Variants in TCF25 observed in about 807,000 individuals in gnomAD.
TCF25 encodes the protein TCF25 ribosome quality control complex subunit.
Under a neutral mutation model 83.1 loss-of-function variants are expected in TCF25, and 41 were observed. The observed-to-expected ratio is 0.49, with a 90% CI of 0.38 to 0.64. The LOEUF (loss-of-function observed/expected upper bound fraction) is 0.64. TCF25 is among the 30% of genes least tolerant of loss of function. The pLI is 0.00. For synonymous variants in TCF25, 458 were observed against 365.0 expected (o/e 1.25, Z -2.90); for missense variants, 979 against 914.5 (o/e 1.07, Z -0.91).
At chr16:89,907,735 CCCGCCTCCCACCTT>C (rs2045026067) in intron 16 of TCF25, among the ~76,000 whole-genome samples, 1 of 110,918 alleles carries the variant, frequency 9.0e-6, no homozygotes, top group Non-Finnish European at 1.9e-5. Context: ...CCTTCCAGCT[CCCGCCTCCCACCTT>C]CCAGCTCCCG....
intron 1 of TCF25, among the ~76,000 whole-genome samples, chr16:89,876,505 C>G (rs1476773486): frequency 1.3e-5 from 2 of 152,152 alleles, no homozygotes; most frequent in African/African-American, 4.8e-5. Flanking sequence ...CTCAAGAGAT[C>G]CTTCCGCCTT....
chr16:89,908,885 G>T (rs2045306615), intron 16 of TCF25: 1 of 1,267,306 alleles, frequency 7.9e-7, no homozygotes, highest in African/African-American at 1.6e-5. Context: ...GGGCTTTGGG[G>T]CTCACAGGGA....
At chr16:89,893,918 G>T (rs555886430) in intron 7 of TCF25, 60 bp downstream of exon 7, 8 of 1,547,028 alleles carry the variant, frequency 5.2e-6, no homozygotes, top group Middle Eastern at 2.2e-4. Flanking sequence ...ACTGCCCTGG[G>T]CCGCCTGCTT....
rs1432726272 is a variant in TCF25, at chr16:89,873,704, C to G, written c.37C>G (p.Gln13Glu). The change falls in exon 1 of 18, where the codon CAG becomes GAG. Residue 13 changes from glutamine (Q) to glutamate (E), a missense_variant. Gln to Glu is a conservative substitution (Grantham distance 29). Coordinates refer to ENST00000263346, the MANE Select transcript of TCF25 (RefSeq NM_014972.3). ...RRALRRLRGEQRGQEPLGPGA... is the reference protein window; with the variant it reads ...RRALRRLRGEERGQEPLGPGA... ...GGCCCTCCGGAGGCTGAGGGGGGAA[C>G]AGCGCGGCCAGGAGCCCCTCGGGCC... 1.9e-6 allele frequency: 3 copies of G among 1,609,240 alleles called. No individual in the cohort carries two copies.
rs1475041880 is a variant in TCF25, at chr16:89,887,696, G to A, written c.593G>A (p.Arg198Gln). ...DTELKRYFGA[R>Q]AILGEQRPRQ... ...GAACTGAAAAGGTATTTTGGTGCCC[G>A]GGCAATCCTGGGGGAGCAAAGGTAA... Residue 198 changes from arginine (R) to glutamine (Q), a missense_variant, in exon 5 of 18, where the codon CGG becomes CAG. Transcript: ENST00000263346. 11 of 1,591,724 alleles carry A rather than the reference G, an allele frequency of 6.9e-6. No individual in the cohort carries two copies. The highest frequency in any genetic ancestry group is 2.7e-5 in the African/African-American group (2 of 73,422).
In TCF25 at chr16:89,873,614, G is replaced by T; in HGVS notation, c.-54G>T. 1 of 1,440,708 alleles carries T rather than the reference G, an allele frequency of 6.9e-7. No individual in the cohort carries two copies. The highest frequency in any genetic ancestry group is 9.1e-7 in the Non-Finnish European group (1 of 1,098,922). The allele number at this position is 1,440,708 out of a possible 1,614,324, so 89.2% of individuals were successfully genotyped here. A position where few individuals can be genotyped will look rare whatever the true frequency, so the allele number is the denominator to read the frequency against. On this transcript the variant is annotated 5_prime_UTR_variant, in exon 1 of 18. Coordinates refer to ENST00000263346, the MANE Select transcript of TCF25 (RefSeq NM_014972.3). Reference sequence around the variant, plus strand: ...AGAGTGCGCAGGCGCGCCGACAGCCGAGTTTTCTGCGCTTCCTTCTCCCTC... The same window carrying T: ...AGAGTGCGCAGGCGCGCCGACAGCCTAGTTTTCTGCGCTTCCTTCTCCCTC...
At chr16:89,882,753 A>G (rs1465049344) in intron 1 of TCF25, among the ~76,000 whole-genome samples, 2 of 152,042 alleles carry the variant, frequency 1.3e-5, no homozygotes, top group Non-Finnish European at 1.5e-5. Context: ...TGCCTGGCTA[A>G]TTTTTGTGTT....
Position 89,873,601 on chromosome 16 carries a change from C to T in TCF25, c.-67C>T. The T allele has an allele frequency of 1.5e-6, 2 of 1,317,786 alleles. No homozygotes were observed. Among genetic ancestry groups the T allele is most frequent in the South Asian group, 1.6e-5 (1 of 63,836 alleles). The allele number at this position is 1,317,786 out of a possible 1,614,324, so 81.6% of individuals were successfully genotyped here. ...CGACCCCGCGCGAAGAGTGCGCAGGCGCGCCGACAGCCGAGTTTTCTGCGC... is the reference window on the plus strand; with the variant it reads ...CGACCCCGCGCGAAGAGTGCGCAGGTGCGCCGACAGCCGAGTTTTCTGCGC... On this transcript the variant is annotated 5_prime_UTR_variant, in exon 1 of 18. Transcript: ENST00000263346.
intron 16 of TCF25, among the ~76,000 whole-genome samples, 171 bp downstream of exon 16, chr16:89,907,493 A>T (rs367669782): frequency 4.0e-4 from 8 of 20,134 alleles, no homozygotes; most frequent in South Asian, 2.1e-3. Flanking sequence ...CCCAGCTCCC[A>T]CCTCCCTCCT....
chr16:89,896,553 T>A (rs1220789864), intron 9 of TCF25, among the ~76,000 whole-genome samples: 1 of 144,212 alleles, frequency 6.9e-6, no homozygotes, highest in Non-Finnish European at 1.5e-5. Context: ...AACAGCATTT[T>A]TTTTTTTTTT....
At position 89,909,398 on chromosome 16, in the gene TCF25, C is replaced by A. The variant is rs148881333; in HGVS notation, c.1800-1193C>A. ...TGGTGCCGCACACCTGTAGTCCCAGCTACTTGGGAGGCTGAGGCAGGAAAA... is the reference window on the plus strand; with the variant it reads ...TGGTGCCGCACACCTGTAGTCCCAGATACTTGGGAGGCTGAGGCAGGAAAA... On this transcript the variant is annotated intron_variant, in intron 16 of 17. Coordinates refer to ENST00000263346, the MANE Select transcript of TCF25 (RefSeq NM_014972.3). 744 of 266,702 alleles carry A rather than the reference C, an allele frequency of 2.8e-3. 5 individuals carry two copies. Among genetic ancestry groups the A allele is most frequent in the African/African-American group, 0.015 (691 of 45,092 alleles). 16.5% of individuals were successfully genotyped at this position (266,702 alleles called of 1,614,324 possible).
intron 1 of TCF25, among the ~76,000 whole-genome samples, chr16:89,881,314 G>C (rs1260677082): frequency 1.3e-5 from 2 of 152,152 alleles, no homozygotes; most frequent in East Asian, 1.9e-4. Context: ...TGTGTTTTCT[G>C]AGGTTTGTGG....
chr16:89,906,353 C>T (rs761531988), intron 15 of TCF25, 69 bp downstream of exon 15: 28 of 1,508,408 alleles, frequency 1.9e-5, no homozygotes, highest in South Asian at 1.7e-4. Flanking sequence ...CTGCTCCGGG[C>T]GGTCCACATG....
At chr16:89,892,991 CA>C (rs1321367673) in intron 6 of TCF25, among the ~76,000 whole-genome samples, 1 of 152,238 alleles carries the variant, frequency 6.6e-6, no homozygotes, top group East Asian at 1.9e-4. Flanking sequence ...TCTGTAAGGA[CA>C]CATCTAGGAG....
At chr16:89,894,379 G>T (rs548606847) in intron 7 of TCF25, among the ~76,000 whole-genome samples, 1 of 151,278 alleles carries the variant, frequency 6.6e-6, no homozygotes, top group South Asian at 2.1e-4. Flanking sequence ...CCCCCGCGCA[G>T]CCCCAGACAG....
chr16:89,896,018 G>A lies in TCF25; in HGVS notation c.957G>A (p.Ala319=), dbSNP rs752596407. The change falls in exon 9 of 18, where the codon GCG becomes GCA. Residue 319 remains alanine, a synonymous_variant. Coordinates refer to ENST00000263346, the MANE Select transcript of TCF25 (RefSeq NM_014972.3). ...VERALYSMEC[A]FHPLFSLTSG... ...GAGCGCTGTACAGCATGGAATGTGC[G>A]TTCCACCCCCTGTTCAGTCTCACCA... The A allele has an allele frequency of 1.7e-5, 27 of 1,613,790 alleles. No individual in the cohort carries two copies. Among genetic ancestry groups the A allele is most frequent in the Middle Eastern group, 1.6e-4 (1 of 6,082 alleles).
At chr16:89,908,771 C>T (rs985186898) in intron 16 of TCF25, among the ~76,000 whole-genome samples, 6 of 132,876 alleles carry the variant, frequency 4.5e-5, no homozygotes, top group African/African-American at 1.4e-4. Flanking sequence ...TCCCAGCTCC[C>T]GCCTCCCTCC....
intron 4 of TCF25, among the ~76,000 whole-genome samples, chr16:89,887,128 G>C (rs1597303155): frequency 6.6e-6 from 1 of 151,778 alleles, no homozygotes; most frequent in Non-Finnish European, 1.5e-5. Context: ...CGACCTCCTG[G>C]GCTCAGGAGA....
intron 1 of TCF25, among the ~76,000 whole-genome samples, chr16:89,874,389 G>T (rs1204031943): frequency 1.3e-5 from 2 of 152,142 alleles, no homozygotes; most frequent in Admixed American, 6.5e-5. Flanking sequence ...GGGCCACGGC[G>T]TAGGGGCAGG....
Sources: allele counts gnomAD v4.1 joint callset (sites outside exome capture counted in the v4.1 genomes callset), GRCh38; gene constraint gnomAD v4.1.1; transcripts MANE v1.5; gene names NCBI Gene and HGNC (gene_info 2026-07-23, HGNC 2026-07-21).